The following SRSF11 variants were observed in gnomAD, a reference collection of about 807,000 sequenced individuals.
SRSF11 encodes serine/arginine-rich splicing factor 11.
In SRSF11, 9 loss-of-function variants were observed where a neutral mutation model predicts 56.0. That is an observed-to-expected ratio of 0.16 (90% CI 0.10 to 0.28). The LOEUF (loss-of-function observed/expected upper bound fraction) is 0.28, where lower values mean the gene tolerates loss of function less well. Ranked by LOEUF, SRSF11 falls within the 10% of genes least tolerant of loss-of-function variation. SRSF11 has a pLI of 1.00. For missense variants in SRSF11, 421 were observed against 600.7 expected (o/e 0.70, Z 3.13); for synonymous variants, 222 against 215.3 (o/e 1.03, Z -0.27).
chr1:70,216,230 A>G (rs1669986329), intron 1 of SRSF11, among the ~76,000 whole-genome samples: 1 of 152,156 alleles, frequency 6.6e-6, no homozygotes, highest in Non-Finnish European at 1.5e-5. Context: ...CTCATTGTCT[A>G]ATATTATTTG....
At chr1:70,221,288 G>C (rs186588424), upstream of SRSF11, 612 of 288,338 alleles carry the variant, frequency 2.1e-3, 7 homozygotes, top group African/African-American at 0.013. Context: ...CTCATTTCTC[G>C]GGCTGCAGGC....
At chr1:70,221,908 C>T (rs1188275517) in intron 1 of SRSF11, 69 bp downstream of exon 1, 1 of 1,579,258 alleles carries the variant, frequency 6.3e-7, no homozygotes, top group Non-Finnish European at 8.6e-7. Context: ...ACACAATTTC[C>T]TTAGGCCCCT....
rs548334006 is a variant in SRSF11 at position 70,245,740 on chromosome 1, G to A, written c.932+925G>A. Among the ~76,000 whole-genome samples the A allele has an allele frequency of 1.9e-4, 29 of 152,288 alleles. No individual in the cohort carries two copies. The South Asian group carries it at 6.0e-3, about 32-fold the overall frequency. On this transcript the variant is annotated intron_variant, in intron 8 of 11. Coordinates refer to ENST00000370949, the MANE Select transcript of SRSF11 (RefSeq NM_001350605.2). ...ACAATATTTTGATGTAGTTGGACTA[G>A]AAAATGAGGTCAGAAAAATATAATG...
chr1:70,221,095 ACAT>A (rs1260615973), upstream of SRSF11: 1 of 153,096 alleles, frequency 6.5e-6, no homozygotes, highest in Admixed American at 6.5e-5. Context: ...GTATATAAAG[ACAT>A]CGTGAGCAGT....
intron 1 of SRSF11, among the ~76,000 whole-genome samples, chr1:70,214,803 T>G (rs1669861097): frequency 6.6e-6 from 1 of 152,044 alleles, no homozygotes; most frequent in Non-Finnish European, 1.5e-5. Flanking sequence ...ATATTAATAT[T>G]TATAAAATTG....
intron 1 of SRSF11, among the ~76,000 whole-genome samples, chr1:70,213,313 T>A (rs944110895): frequency 6.6e-6 from 1 of 152,188 alleles, no homozygotes; most frequent in Non-Finnish European, 1.5e-5. Flanking sequence ...AATCAGGGAA[T>A]AGAATAGAAG....
At chr1:70,227,082 T>C (rs889743291) in intron 1 of SRSF11, among the ~76,000 whole-genome samples, 3 of 152,188 alleles carry the variant, frequency 2.0e-5, no homozygotes, top group African/African-American at 7.2e-5. Flanking sequence ...GAAGTTCTAA[T>C]GGGTTTGAGT....
At chr1:70,242,241 T>C (rs1003632828) in intron 7 of SRSF11, among the ~76,000 whole-genome samples, 2 of 151,998 alleles carry the variant, frequency 1.3e-5, no homozygotes, top group African/African-American at 4.8e-5. Context: ...CATTTTAATA[T>C]TAATTACTTT....
chr1:70,212,945 G>T lies in SRSF11; in HGVS notation c.-26+7165G>T, dbSNP rs186065356. ...CGTGAGCCTATAGTCCCAGCTACTGGGGGGGTGGGGGTAAGGGGCTGAGGC... is the reference window on the plus strand; with the variant it reads ...CGTGAGCCTATAGTCCCAGCTACTGTGGGGGTGGGGGTAAGGGGCTGAGGC... On this transcript the variant is annotated intron_variant, in intron 1 of 12. Transcript: ENST00000370950. Among the ~76,000 whole-genome samples the T allele has an allele frequency of 4.9e-3, 742 of 152,084 alleles. 5 individuals carry two copies. Among genetic ancestry groups the T allele is most frequent in the Middle Eastern group, 0.014 (4 of 294 alleles).
At position 70,208,190 on chromosome 1, in the gene SRSF11, TAAGGA is replaced by T. The variant is rs1669227802; in HGVS notation, c.-26+2414_-26+2418del. Among the ~76,000 whole-genome samples the T allele has an allele frequency of 3.3e-5, 5 of 152,356 alleles. No individual in the cohort carries two copies. The South Asian group carries it at 1.0e-3, about 32-fold the overall frequency. ...TATTAAAACATTGTTTCATCTTGTA[TAAGGA>T]AAGTATCTTCTGTTTAATGGCAAAG... On this transcript the variant is annotated intron_variant, in intron 1 of 12. Transcript: ENST00000370950.
chr1:70,221,538 C>A lies in SRSF11; in HGVS notation c.-99C>A. 1 of 1,464,580 alleles carries A rather than the reference C, an allele frequency of 6.8e-7. No individual in the cohort carries two copies. The highest frequency in any genetic ancestry group is 9.2e-7 in the Non-Finnish European group (1 of 1,087,656). 90.7% of individuals were successfully genotyped at this position (1,464,580 alleles called of 1,614,324 possible). On this transcript the variant is annotated 5_prime_UTR_variant, in exon 1 of 12. Coordinates refer to ENST00000370949, the MANE Select transcript of SRSF11 (RefSeq NM_001350605.2). ...GTAGCAGAGGCTGTAGCATCGGACA[C>A]CCTCCTCTCTCCCGCAATCCGGTTC...
At chr1:70,244,144 A>G (rs1222558515) in intron 7 of SRSF11, among the ~76,000 whole-genome samples, 4 of 152,226 alleles carry the variant, frequency 2.6e-5, no homozygotes, top group Non-Finnish European at 5.9e-5. Context: ...TTTCAGAGAA[A>G]AATTCGAAAT....
chr1:70,250,554 T>A (rs1315293716), intron 11 of SRSF11, 51 bp downstream of exon 11: 1 of 1,608,820 alleles, frequency 6.2e-7, no homozygotes, highest in Non-Finnish European at 8.5e-7. Flanking sequence ...GTTGGTACTT[T>A]CAGAAGTTAT....
chr1:70,229,072 T>A (rs1360697128), intron 2 of SRSF11: 11 of 1,104,738 alleles, frequency 1.0e-5, no homozygotes, highest in Admixed American at 4.7e-5. Context: ...AGTTCAAGAT[T>A]TCCTGTAGCT....
chr1:70,223,028 T>TAAA (rs2100613550), intron 1 of SRSF11, among the ~76,000 whole-genome samples: 1 of 152,328 alleles, frequency 6.6e-6, no homozygotes, highest in Admixed American at 6.5e-5. Context: ...CACGTAAATC[T>TAAA]TTATTCCTGT....
chr1:70,243,336 C>CAAAAAAA (rs56098296), intron 7 of SRSF11, among the ~76,000 whole-genome samples: 1 of 32,596 alleles, frequency 3.1e-5, no homozygotes, highest in African/African-American at 7.9e-5. Context: ...TGGTTGGTGG[C>CAAAAAAA]AAAAAAAAAA....
chr1:70,247,012 G>T, intron 9 of SRSF11, 105 bp downstream of exon 9: 1 of 1,142,184 alleles, frequency 8.8e-7, no homozygotes, highest in Non-Finnish European at 1.2e-6. Flanking sequence ...AAGTATTTCA[G>T]TGTTGAAAAA....
At position 70,221,551 on chromosome 1, in the gene SRSF11, C is replaced by A; in HGVS notation, c.-86C>A. 1 of 1,510,806 alleles carries A rather than the reference C, an allele frequency of 6.6e-7. No homozygotes were observed. Among genetic ancestry groups the A allele is most frequent in the Non-Finnish European group, 8.9e-7 (1 of 1,124,088 alleles). The allele number at this position is 1,510,806 out of a possible 1,614,324, so 93.6% of individuals were successfully genotyped here. A position where few individuals can be genotyped will look rare whatever the true frequency, so the allele number is the denominator to read the frequency against. On this transcript the variant is annotated 5_prime_UTR_variant, in exon 1 of 12. Coordinates refer to ENST00000370949, the MANE Select transcript of SRSF11 (RefSeq NM_001350605.2). Reference sequence around the variant, plus strand: ...TAGCATCGGACACCCTCCTCTCTCCCGCAATCCGGTTCCTCTTCCCCCTCC... The same window carrying A: ...TAGCATCGGACACCCTCCTCTCTCCAGCAATCCGGTTCCTCTTCCCCCTCC...
In SRSF11 at chr1:70,250,640, G is replaced by A; in HGVS notation, c.1290G>A (p.Gln430=). 1 of 1,613,966 alleles carries A rather than the reference G, an allele frequency of 6.2e-7. No homozygotes were observed. Among genetic ancestry groups the A allele is most frequent in the African/African-American group, 1.3e-5 (1 of 75,038 alleles). Residue 430 remains glutamine, a synonymous_variant, in exon 12 of 12, where the codon CAG becomes CAA. Transcript: ENST00000370949. The part of the protein sequence containing the change: ...QVTRDYDEEE[Q]GYDSEKEKKE... The stretch of plus-strand genomic sequence containing the variant: ...CACGGGATTATGATGAAGAGGAACA[G>A]GGGTATGACAGTGAGAAAGAGAAAA...
Sources: allele counts gnomAD v4.1 joint callset (sites outside exome capture counted in the v4.1 genomes callset), GRCh38; gene constraint gnomAD v4.1.1; transcripts MANE v1.5; gene names NCBI Gene and HGNC (gene_info 2026-07-23, HGNC 2026-07-21).